CERS6: variants seen among roughly 807,000 people sequenced by gnomAD.
The protein encoded by CERS6 is ceramide synthase 6.
A neutral mutation model predicts 56.8 loss-of-function variants in CERS6; 26 were observed. That is an observed-to-expected ratio of 0.46 (90% CI 0.34 to 0.63). The LOEUF is 0.63. CERS6 is among the 30% of genes least tolerant of loss of function. The pLI is 0.01. For missense variants in CERS6, 415 were observed against 467.5 expected (o/e 0.89, Z 1.04); for synonymous variants, 164 against 173.3 (o/e 0.95, Z 0.42).
intron 4 of CERS6, among the ~76,000 whole-genome samples, chr2:168,641,472 A>T (rs928334545): frequency 2.0e-5 from 3 of 152,206 alleles, no homozygotes; most frequent in African/African-American, 7.2e-5. Flanking sequence ...TGTCCCAGGC[A>T]GCTGGATGCA....
intron 3 of CERS6, among the ~76,000 whole-genome samples, chr2:168,627,881 G>A (rs1218545039): frequency 6.6e-6 from 1 of 151,710 alleles, no homozygotes; most frequent in Non-Finnish European, 1.5e-5. Context: ...CCTTATGGGG[G>A]TGTTTACCCT....
chr2:168,600,134 G>A (rs1683897007), intron 3 of CERS6, among the ~76,000 whole-genome samples: 1 of 151,626 alleles, frequency 6.6e-6, no homozygotes, highest in Admixed American at 6.6e-5. Context: ...GGTGACAGTA[G>A]TGTCTGCTTA....
At chr2:168,482,293 G>T (rs1401909417) in intron 1 of CERS6, among the ~76,000 whole-genome samples, 4 of 152,210 alleles carry the variant, frequency 2.6e-5, no homozygotes, top group Non-Finnish European at 4.4e-5. Flanking sequence ...AGTTATGGTG[G>T]ACTAGATCAA....
chr2:168,507,842 C>T (rs192859424), intron 1 of CERS6, among the ~76,000 whole-genome samples: 43 of 152,262 alleles, frequency 2.8e-4, no homozygotes, highest in Admixed American at 5.9e-4. Context: ...TTCTCTTCCT[C>T]CCTTCCTCAT....
In CERS6 at chr2:168,698,836, A is replaced by G. The variant is rs1434645297; in HGVS notation, c.609+3785A>G. On this transcript the variant is annotated intron_variant, in intron 6 of 9. Coordinates refer to ENST00000305747, the MANE Select transcript of CERS6 (RefSeq NM_203463.3). Reference sequence around the variant, plus strand: ...TTTGTGGAATTGATCCTAGGCCTGTATATATTGTCAGTGTTTAGAAATCGA... The same window carrying G: ...TTTGTGGAATTGATCCTAGGCCTGTGTATATTGTCAGTGTTTAGAAATCGA... Among the ~76,000 whole-genome samples the G allele has an allele frequency of 2.6e-5, 4 of 152,326 alleles. No individual in the cohort carries two copies. In the East Asian group the frequency reaches 7.7e-4, roughly 29 times the overall value.
chr2:168,520,626 T>TTTTTTTTTTTTTTTTTTTTTTA, intron 1 of CERS6, among the ~76,000 whole-genome samples: 1 of 93,228 alleles, frequency 1.1e-5, no homozygotes, highest in Non-Finnish European at 2.3e-5. Flanking sequence ...TTTTTTTTTT[T>TTTTTTTTTTTTTTTTTTTTTTA]TGAGAAGCAG....
intron 4 of CERS6, among the ~76,000 whole-genome samples, chr2:168,684,510 AT>A (rs1324949189): frequency 6.6e-6 from 1 of 152,242 alleles, no homozygotes; most frequent in Non-Finnish European, 1.5e-5. Flanking sequence ...ATTGTAGATT[AT>A]CATCTCAAAT....
At chr2:168,726,864 T>C (rs1453669506) in intron 8 of CERS6, among the ~76,000 whole-genome samples, 9 of 152,212 alleles carry the variant, frequency 5.9e-5, no homozygotes, top group Admixed American at 5.9e-4. Context: ...CATAGATACA[T>C]CTGAAATAAA....
intron 1 of CERS6, among the ~76,000 whole-genome samples, chr2:168,528,259 A>C (rs908119505): frequency 1.3e-5 from 2 of 152,226 alleles, no homozygotes; most frequent in African/African-American, 4.8e-5. Flanking sequence ...TACACCCAGC[A>C]GGAGTGTTTT....
At chr2:168,588,974 A>G (rs1439104799) in intron 3 of CERS6, among the ~76,000 whole-genome samples, 2 of 152,236 alleles carry the variant, frequency 1.3e-5, no homozygotes, top group African/African-American at 4.8e-5. Context: ...TCCTGAGCTC[A>G]GGCAGTCTGC....
chr2:168,766,291 G>GA (rs746504603), intron 9 of CERS6: 1 of 1,595,516 alleles, frequency 6.3e-7, no homozygotes, highest in South Asian at 1.1e-5. Flanking sequence ...TTTCTTACTT[G>GA]TTTGTTCTCT....
chr2:168,624,186 TTGAG>T (rs1256808650), intron 3 of CERS6, among the ~76,000 whole-genome samples: 1 of 152,180 alleles, frequency 6.6e-6, no homozygotes, highest in Non-Finnish European at 1.5e-5. Flanking sequence ...TCATTTCACA[TTGAG>T]TGTGTGCTTT....
chr2:168,467,721 A>G (rs1367531674), intron 1 of CERS6, among the ~76,000 whole-genome samples: 3 of 152,232 alleles, frequency 2.0e-5, no homozygotes, highest in African/African-American at 7.2e-5. Context: ...CTCTGCAAAA[A>G]TGTACATAAG....
chr2:168,766,214 C>A (rs924445272), intron 9 of CERS6: 7 of 984,176 alleles, frequency 7.1e-6, no homozygotes, highest in Non-Finnish European at 9.5e-6. Flanking sequence ...TCGAATAAAG[C>A]TTCCTAAGCC....
At chr2:168,672,680 T>G (rs1685952001) in intron 4 of CERS6, among the ~76,000 whole-genome samples, 1 of 152,066 alleles carries the variant, frequency 6.6e-6, no homozygotes, top group Non-Finnish European at 1.5e-5. Flanking sequence ...TGTCTCATTG[T>G]TTTTAAGAGC....
chr2:168,707,666 A>T (rs1686991447), intron 6 of CERS6, among the ~76,000 whole-genome samples: 1 of 152,212 alleles, frequency 6.6e-6, no homozygotes. Context: ...TTGTACATAC[A>T]TTATGTGAAC....
At chr2:168,722,968 C>A (rs1007349194) in intron 8 of CERS6, among the ~76,000 whole-genome samples, 9 of 152,126 alleles carry the variant, frequency 5.9e-5, no homozygotes, top group African/African-American at 1.9e-4. Context: ...ACATGGCTTA[C>A]CCCAGAAAGT....
intron 1 of CERS6, among the ~76,000 whole-genome samples, chr2:168,514,322 C>T (rs548803376): frequency 2.6e-5 from 4 of 152,252 alleles, no homozygotes; most frequent in Admixed American, 6.5e-5. Flanking sequence ...GTCTCTGTTC[C>T]TTCTACATTG....
chr2:168,592,676 G>A (rs929390308), intron 3 of CERS6, among the ~76,000 whole-genome samples: 6 of 152,086 alleles, frequency 3.9e-5, no homozygotes, highest in Non-Finnish European at 5.9e-5. Flanking sequence ...CCCCTGTGCA[G>A]CAGGGTGGAG....
Sources: gnomAD v4.1 joint callset for allele counts (sites outside exome capture counted in the v4.1 genomes callset) on GRCh38, gnomAD v4.1.1 for gene constraint, MANE v1.5 for transcripts, NCBI Gene and HGNC (gene_info 2026-07-23, HGNC 2026-07-21) for gene names.